DPP10: variants seen among roughly 807,000 people sequenced by gnomAD.
The protein encoded by DPP10 is dipeptidyl peptidase like 10.
Under a neutral mutation model 120.9 loss-of-function variants are expected in DPP10, and 33 were observed. The ratio of observed to expected loss-of-function variants is 0.27; its 90% CI spans 0.21 to 0.37. DPP10 has a LOEUF of 0.37. Ranked by LOEUF, DPP10 falls within the 10% of genes least tolerant of loss-of-function variation. DPP10 has a pLI of 1.00. For synonymous variants in DPP10, 337 were observed against 326.1 expected, an observed-to-expected ratio of 1.03 and a Z score of -0.36; for missense variants, 816 against 942.8, an observed-to-expected ratio of 0.87 and a Z score of 1.76.
At chr2:115,378,423 A>C (rs549837421) in intron 3 of DPP10, among the ~76,000 whole-genome samples, 3 of 151,690 alleles carry the variant, frequency 2.0e-5, no homozygotes, top group Admixed American at 1.3e-4. Context: ...GACTTTGCTA[A>C]GTTGCTTATC....
At chr2:115,721,367 C>G (rs1450976085) in intron 7 of DPP10, among the ~76,000 whole-genome samples, 2 of 152,118 alleles carry the variant, frequency 1.3e-5, no homozygotes, top group African/African-American at 4.8e-5. Flanking sequence ...TGTGATCTAG[C>G]CTTCAAGCTG....
At chr2:114,601,791 G>A (rs1692388081) in intron 1 of DPP10, among the ~76,000 whole-genome samples, 1 of 151,922 alleles carries the variant, frequency 6.6e-6, no homozygotes. Context: ...CTGAAGTCAT[G>A]TTGATTCTAA....
At chr2:114,976,229 T>TC (rs1299676162) in intron 1 of DPP10, among the ~76,000 whole-genome samples, 8 of 149,086 alleles carry the variant, frequency 5.4e-5, no homozygotes, top group Non-Finnish European at 1.5e-5. Flanking sequence ...AGAACTTTTT[T>TC]CCCCTCCCTA....
At chr2:114,908,879 G>A (rs1192061919) in intron 1 of DPP10, among the ~76,000 whole-genome samples, 3 of 151,412 alleles carry the variant, frequency 2.0e-5, no homozygotes, top group Non-Finnish European at 3.0e-5. Flanking sequence ...AATATTGTTG[G>A]CATTAGTCAA....
chr2:115,833,613 GA>G (rs1452343763), intron 21 of DPP10, among the ~76,000 whole-genome samples: 1 of 152,094 alleles, frequency 6.6e-6, no homozygotes, highest in Admixed American at 6.5e-5. Context: ...GCCACGCATG[GA>G]AAATTCTACA....
chr2:115,432,149 G>T (rs970912175), intron 3 of DPP10, among the ~76,000 whole-genome samples: 1 of 151,920 alleles, frequency 6.6e-6, no homozygotes, highest in Admixed American at 6.6e-5. Context: ...TTTCTACCCT[G>T]GGACTTATTG....
chr2:114,738,337 G>C (rs1677670288), intron 1 of DPP10, among the ~76,000 whole-genome samples: 4 of 152,200 alleles, frequency 2.6e-5, no homozygotes, highest in South Asian at 4.1e-4. Context: ...GGCATGAGCA[G>C]GCTGTCTGGT....
chr2:114,872,947 A>C (rs997922806), intron 1 of DPP10, among the ~76,000 whole-genome samples: 2 of 152,222 alleles, frequency 1.3e-5, no homozygotes, highest in African/African-American at 4.8e-5. Flanking sequence ...TGTGGGGACT[A>C]GCTATCCAAC....
At chr2:115,784,807 C>T (rs1683153362) in intron 17 of DPP10, among the ~76,000 whole-genome samples, 1 of 152,214 alleles carries the variant, frequency 6.6e-6, no homozygotes, top group African/African-American at 2.4e-5. Flanking sequence ...GCTGAGATTA[C>T]AGCCATGAGC....
At chr2:115,587,357 C>G (rs1290120515) in intron 5 of DPP10, among the ~76,000 whole-genome samples, 1 of 152,094 alleles carries the variant, frequency 6.6e-6, no homozygotes, top group African/African-American at 2.4e-5. Flanking sequence ...CTCGGCCTCC[C>G]AAAGTGAACA....
chr2:114,981,645 A>G (rs1003486175), intron 1 of DPP10, among the ~76,000 whole-genome samples: 3 of 152,060 alleles, frequency 2.0e-5, no homozygotes, highest in Non-Finnish European at 4.4e-5. Flanking sequence ...CAGTGGCACA[A>G]TTATAGCTCA....
At chr2:114,480,792 G>T (rs965340397) in intron 1 of DPP10, among the ~76,000 whole-genome samples, 3 of 151,712 alleles carry the variant, frequency 2.0e-5, no homozygotes, top group Non-Finnish European at 4.4e-5. Flanking sequence ...CACCAACATG[G>T]CACATGTATA....
intron 1 of DPP10, among the ~76,000 whole-genome samples, chr2:114,889,815 C>G (rs533066249): frequency 3.3e-5 from 5 of 152,182 alleles, no homozygotes; most frequent in African/African-American, 1.2e-4. Context: ...CCTTTTTCTT[C>G]ATGTTTTGCA....
At chr2:114,564,168 A>G (rs1427604238) in intron 1 of DPP10, among the ~76,000 whole-genome samples, 1 of 152,142 alleles carries the variant, frequency 6.6e-6, no homozygotes, top group African/African-American at 2.4e-5. Flanking sequence ...ATGATATTCT[A>G]ATGGGAGGTG....
chr2:115,485,238 CAAAA>C (rs70941066), intron 3 of DPP10, among the ~76,000 whole-genome samples: 2,805 of 123,252 alleles, frequency 0.023, 90 homozygotes, highest in African/African-American at 0.078. Context: ...AACACTGTTC[CAAAA>C]AAAAAAAAAA....
At chr2:114,517,343 A>G (rs1684675969) in intron 1 of DPP10, among the ~76,000 whole-genome samples, 1 of 152,184 alleles carries the variant, frequency 6.6e-6, no homozygotes. Context: ...CAACATGGTG[A>G]AACCCCATCT....
intron 21 of DPP10, among the ~76,000 whole-genome samples, chr2:115,835,709 A>G (rs1307900795): frequency 6.6e-6 from 1 of 152,120 alleles, no homozygotes; most frequent in Admixed American, 6.5e-5. Flanking sequence ...TTGGTGAGAT[A>G]TTTTCAAAAT....
chr2:114,562,664 G>A (rs1688861529), intron 1 of DPP10, among the ~76,000 whole-genome samples: 2 of 152,152 alleles, frequency 1.3e-5, no homozygotes, highest in Non-Finnish European at 2.9e-5. Context: ...TATAGTTTGT[G>A]CATTGTGAAT....
intron 3 of DPP10, among the ~76,000 whole-genome samples, chr2:115,420,980 A>G (rs747889211): frequency 2.6e-5 from 4 of 152,194 alleles, no homozygotes; most frequent in Admixed American, 6.5e-5. Flanking sequence ...GTTATAAGAT[A>G]TATTTCGTAA....
Sources: gnomAD v4.1 joint callset for allele counts (sites outside exome capture counted in the v4.1 genomes callset) on GRCh38, gnomAD v4.1.1 for gene constraint, MANE v1.5 for transcripts, NCBI Gene and HGNC (gene_info 2026-07-23, HGNC 2026-07-21) for gene names.